Variants in SULT1E1 observed in about 807,000 individuals in gnomAD.
SULT1E1 encodes the protein sulfotransferase family 1E member 1.
In SULT1E1, 36 loss-of-function variants were observed where a neutral mutation model predicts 33.6. The observed-to-expected ratio is 1.07, with a 90% CI of 0.82 to 1.41. The LOEUF (loss-of-function observed/expected upper bound fraction) is 1.41, where lower values mean the gene tolerates loss of function less well. SULT1E1 is among the 40% of genes most tolerant of loss of function. SULT1E1 has a pLI of 0.00. For missense variants in SULT1E1, 371 were observed against 345.7 expected (o/e 1.07, Z -0.58); for synonymous variants, 121 against 111.7 (o/e 1.08, Z -0.53).
At chr4:69,838,057 A>G (rs1011509266), downstream of SULT1E1, among the ~76,000 whole-genome samples, 7 of 152,180 alleles carry the variant, frequency 4.6e-5, no homozygotes, top group African/African-American at 1.7e-4. Context: ...TGTCAAATTT[A>G]CTAGCATAAA....
At chr4:69,859,738 G>C (rs1881668) in intron 1 of SULT1E1, among the ~76,000 whole-genome samples, 97,620 of 151,912 alleles carry the variant, frequency 0.64, 32,357 homozygotes, top group South Asian at 0.76. Flanking sequence ...CTTCTACCCT[G>C]CTTGCTTTAT....
chr4:69,852,800 T>C (rs1179270014), intron 4 of SULT1E1, among the ~76,000 whole-genome samples: 9 of 152,176 alleles, frequency 5.9e-5, no homozygotes, highest in Non-Finnish European at 2.9e-5. Flanking sequence ...TAAGCAGCTT[T>C]GTGAAGGCTT....
In SULT1E1 at chr4:69,857,645, TGTG is replaced by T; in HGVS notation, c.-4_-2del. ...CATAATAGTCAAGTTCAGAATTCAT[TGTG>T]GTACACTGAAAAAAAACCTCTGCTT... On this transcript the variant is annotated 5_prime_UTR_variant, in exon 2 of 8. Transcript: ENST00000226444. 6.3e-7 allele frequency: 1 copy of T among 1,584,084 alleles called. No individual in the cohort carries two copies. Among genetic ancestry groups the T allele is most frequent in the Admixed American group, 1.9e-5 (1 of 51,372 alleles).
rs1560558679 is a variant in SULT1E1 at position 69,857,671 on chromosome 4, C to T, written c.-9-18G>A. 3 of 1,566,234 alleles carry T rather than the reference C, an allele frequency of 1.9e-6. No individual in the cohort carries two copies. Among genetic ancestry groups the T allele is most frequent in the Non-Finnish European group, 2.6e-6 (3 of 1,163,402 alleles). Reference sequence around the variant, plus strand: ...GTGGTACACTGAAAAAAAACCTCTGCTTTATACTTTGTATGTACTTAACAA... The same window carrying T: ...GTGGTACACTGAAAAAAAACCTCTGTTTTATACTTTGTATGTACTTAACAA... On this transcript the variant is annotated intron_variant, in intron 1 of 7. Coordinates refer to ENST00000226444, the MANE Select transcript of SULT1E1 (RefSeq NM_005420.3).
downstream of SULT1E1, among the ~76,000 whole-genome samples, chr4:69,837,528 TGAGAGG>T (rs1218369954): frequency 3.3e-5 from 5 of 152,172 alleles, no homozygotes; most frequent in African/African-American, 9.6e-5. Context: ...TTTTGTTAAA[TGAGAGG>T]TTAAAACTTC....
downstream of SULT1E1, among the ~76,000 whole-genome samples, chr4:69,837,531 G>T (rs1307424969): frequency 6.6e-6 from 1 of 152,062 alleles, no homozygotes; most frequent in African/African-American, 2.4e-5. Context: ...TGTTAAATGA[G>T]AGGTTAAAAC....
chr4:69,846,329 A>G (rs1007535721), intron 6 of SULT1E1, among the ~76,000 whole-genome samples: 1 of 149,366 alleles, frequency 6.7e-6, no homozygotes, highest in Non-Finnish European at 1.5e-5. Flanking sequence ...AAAAGAAAAG[A>G]AAAGGAAAAA....
At chr4:69,831,848 GCA>G in the SULT1E1 span, among the ~76,000 whole-genome samples, 1 of 152,128 alleles carries the variant, frequency 6.6e-6, no homozygotes. Context: ...ACCGCTCGGA[GCA>G]CACAGTCCAC....
At chr4:69,850,520 C>G (rs1721079874) in intron 4 of SULT1E1, among the ~76,000 whole-genome samples, 1 of 152,020 alleles carries the variant, frequency 6.6e-6, no homozygotes, top group Non-Finnish European at 1.5e-5. Context: ...TTATAGCCCT[C>G]TTGTAAAAGC....
rs539973905 is a variant in SULT1E1, at chr4:69,849,891, G to T, written c.370-328C>A. ...TATTTATTATTCTCAATGTATAAGTGAAGAGATTAAGCTGAAATTTAGTGA... is the reference window on the plus strand; with the variant it reads ...TATTTATTATTCTCAATGTATAAGTTAAGAGATTAAGCTGAAATTTAGTGA... On this transcript the variant is annotated intron_variant, in intron 4 of 7. Transcript: ENST00000226444. 5.9e-5 allele frequency among the ~76,000 whole-genome samples: 9 copies of T among 151,986 alleles called. No individual in the cohort carries two copies. In the East Asian group the frequency reaches 1.7e-3, roughly 29 times the overall value.
the SULT1E1 span, among the ~76,000 whole-genome samples, chr4:69,833,900 T>C: frequency 6.6e-6 from 1 of 152,224 alleles, no homozygotes; most frequent in Non-Finnish European, 1.5e-5. Flanking sequence ...CATTTGTTGT[T>C]AAATTTAAAG....
intron 1 of SULT1E1, among the ~76,000 whole-genome samples, chr4:69,857,958 C>T (rs1312130536): frequency 6.6e-6 from 1 of 152,098 alleles, no homozygotes; most frequent in South Asian, 2.1e-4. Flanking sequence ...ATAAAAACCA[C>T]AGAACCTTCA....
chr4:69,822,213 C>T, the SULT1E1 span, among the ~76,000 whole-genome samples: 196 of 152,306 alleles, frequency 1.3e-3, no homozygotes, highest in African/African-American at 4.5e-3. Flanking sequence ...GTAACTTATT[C>T]ATTTAATCCA....
the SULT1E1 span, among the ~76,000 whole-genome samples, chr4:69,834,742 C>A: frequency 6.6e-6 from 1 of 152,102 alleles, no homozygotes. Flanking sequence ...GGAAAAAGAG[C>A]AGAAAGATAT....
At chr4:69,847,957 A>G (rs1458774712) in intron 5 of SULT1E1, among the ~76,000 whole-genome samples, 165 bp from the exon 6 acceptor site, 1 of 151,816 alleles carries the variant, frequency 6.6e-6, no homozygotes, top group African/African-American at 2.4e-5. Flanking sequence ...CAAGAGAGGC[A>G]AAGTATGTTA....
chr4:69,847,529 T>C (rs553062361), intron 6 of SULT1E1, among the ~76,000 whole-genome samples, 169 bp downstream of exon 6: 1 of 152,010 alleles, frequency 6.6e-6, no homozygotes, highest in South Asian at 2.1e-4. Flanking sequence ...TTTTATTTGC[T>C]AGCTTCAAAT....
At chr4:69,849,619 T>C in intron 4 of SULT1E1, 56 bp from the exon 5 acceptor site, 1 of 1,477,266 alleles carries the variant, frequency 6.8e-7, no homozygotes, top group Non-Finnish European at 9.1e-7. Flanking sequence ...AACAGTCTCA[T>C]CAAGATTTTT....
At chr4:69,842,142 C>G (rs1276697900) in intron 7 of SULT1E1, 36 bp from the exon 8 acceptor site, 6 of 1,235,532 alleles carry the variant, frequency 4.9e-6, no homozygotes, top group Admixed American at 3.9e-5. Flanking sequence ...AATATTAAGT[C>G]TTCCAAAAAG....
chr4:69,837,096 A>C (rs1720809394), downstream of SULT1E1, among the ~76,000 whole-genome samples: 1 of 152,116 alleles, frequency 6.6e-6, no homozygotes, highest in South Asian at 2.1e-4. Context: ...CAAAAAAAAA[A>C]AAAAATGTAG....
Sources: allele counts gnomAD v4.1 joint callset (sites outside exome capture counted in the v4.1 genomes callset), GRCh38; gene constraint gnomAD v4.1.1; transcripts MANE v1.5; gene names NCBI Gene and HGNC (gene_info 2026-07-23, HGNC 2026-07-21).